The following SLC19A1 variants were observed in gnomAD, a reference collection of about 807,000 sequenced individuals.
SLC19A1 encodes the protein reduced folate transporter.
Under a neutral mutation model 35.3 loss-of-function variants are expected in SLC19A1, and 37 were observed. That is an observed-to-expected ratio of 1.05 (90% confidence interval 0.81 to 1.38). SLC19A1 has a LOEUF of 1.38. SLC19A1 is among the 40% of genes most tolerant of loss of function. The probability of loss-of-function intolerance (pLI) is 0.00; values close to 1 mark genes in which losing one functional copy is unlikely to be tolerated. For missense variants in SLC19A1, 831 were observed against 826.9 expected (o/e 1.00, Z -0.06); for synonymous variants, 460 against 398.5 (o/e 1.15, Z -1.84).
downstream of SLC19A1, chr21:45,512,215 G>T: frequency 1.2e-6 from 2 of 1,612,120 alleles, no homozygotes; most frequent in Non-Finnish European, 8.5e-7. Flanking sequence ...GGCATGGCTC[G>T]GACCCCAACG....
Position 45,514,206 on chromosome 21 carries a change from C to A in SLC19A1, c.*1452G>T, listed in dbSNP as rs1207930211. On this transcript the variant is annotated 3_prime_UTR_variant, in exon 6 of 6. Transcript: ENST00000311124. ...CCCATGGCACAGGCCCAGCCCACCT[C>A]CACCCATCACATCCTGCTAGATCTA... 6.6e-6 allele frequency: 1 copy of A among 152,292 alleles called. No individual in the cohort carries two copies. Among genetic ancestry groups the A allele is most frequent in the East Asian group, 1.9e-4 (1 of 5,184 alleles). 9.4% of individuals were successfully genotyped at this position (152,292 alleles called of 1,614,324 possible).
chr21:45,555,033 G>A (rs1348724412), intron 1 of SLC19A1, among the ~76,000 whole-genome samples: 1 of 150,540 alleles, frequency 6.6e-6, no homozygotes, highest in Non-Finnish European at 1.5e-5. Context: ...CCCTGTGCGC[G>A]CGCCTGGAGG....
In SLC19A1 at chr21:45,514,399, A is replaced by C. The variant is rs1328694495; in HGVS notation, c.*1259T>G. On this transcript the variant is annotated 3_prime_UTR_variant, in exon 6 of 6. Transcript: ENST00000311124. ...CTCTGCCTCAACCCAGGGTACCCCA[A>C]GATGCCTGCTCCCCTGAGCCACCTC... The C allele has an allele frequency of 2.0e-5, 3 of 152,462 alleles. No individual in the cohort carries two copies. The highest frequency in any genetic ancestry group is 4.4e-5 in the Non-Finnish European group (3 of 68,220). 9.4% of individuals were successfully genotyped at this position (152,462 alleles called of 1,614,324 possible).
At chr21:45,541,059 C>A (rs2078289356) in intron 1 of SLC19A1, among the ~76,000 whole-genome samples, 1 of 152,148 alleles carries the variant, frequency 6.6e-6, no homozygotes, top group Non-Finnish European at 1.5e-5. Context: ...ACCCTCCCAC[C>A]CCTGTTCAGA....
intron 1 of SLC19A1, among the ~76,000 whole-genome samples, chr21:45,552,314 G>T (rs1459406202): frequency 6.6e-6 from 1 of 152,182 alleles, no homozygotes; most frequent in African/African-American, 2.4e-5. Context: ...CAGGGGTCAG[G>T]CTGGTCCAGC....
chr21:45,512,196 A>G (rs762613037), downstream of SLC19A1: 15 of 1,612,180 alleles, frequency 9.3e-6, no homozygotes, highest in South Asian at 1.2e-4. Flanking sequence ...AGGCCCCAGA[A>G]GAGCGTGTGG....
At chr21:45,505,940 G>C (rs546772009) in intron 3 of SLC19A1, 1 of 1,613,132 alleles carries the variant, frequency 6.2e-7, no homozygotes, top group African/African-American at 1.3e-5. Flanking sequence ...CTACGTCCGC[G>C]TGCAGAACGG....
At position 45,540,739 on chromosome 21, in the gene SLC19A1, C is replaced by T. The variant is rs1169106654; in HGVS notation, c.-50+1629G>A. ...GTCCCATACAGCTTGAGGCCTCTTC[C>T]CGGCATCTGAAGGAAGTCCCCGACC... On this transcript the variant is annotated intron_variant, in intron 1 of 5. Coordinates refer to ENST00000311124, the MANE Select transcript of SLC19A1 (RefSeq NM_194255.4). The surrounding 1 kb of genome is among the most constrained non-coding windows in gnomAD (Gnocchi z 5.5). Among the ~76,000 whole-genome samples the T allele has an allele frequency of 6.6e-6, 1 of 152,152 alleles. No individual in the cohort carries two copies. Among genetic ancestry groups the T allele is most frequent in the African/African-American group, 2.4e-5 (1 of 41,430 alleles).
At chr21:45,555,921 CG>C (rs1000495869) in intron 1 of SLC19A1, among the ~76,000 whole-genome samples, 13 of 152,164 alleles carry the variant, frequency 8.5e-5, no homozygotes, top group Non-Finnish European at 1.9e-4. Context: ...GCTCTACACC[CG>C]GGAGATGGCC....
In SLC19A1 at chr21:45,517,365, C is replaced by T. The variant is rs9647238; in HGVS notation, c.1294-1225G>A. Among the ~76,000 whole-genome samples, 18,922 of 152,036 alleles carry T rather than the reference C, an allele frequency of 0.12. 1,216 individuals are homozygous for T. Among genetic ancestry groups the T allele is most frequent in the Admixed American group, 0.16 (2,491 of 15,274 alleles). On this transcript the variant is annotated intron_variant, in intron 5 of 5. Coordinates refer to ENST00000311124, the MANE Select transcript of SLC19A1 (RefSeq NM_194255.4). This position sits in a 1 kb window ranked among gnomAD's most constrained non-coding sequence, Gnocchi z 4.4. ...ACCCACCATGTCAGCAAGGACCCCC[C>T]ACCCTCGCCAGCCTGTAACAAGGAC...
At chr21:45,503,988 C>G in intron 3 of SLC19A1, 1 of 1,613,366 alleles carries the variant, frequency 6.2e-7, no homozygotes, top group Non-Finnish European at 8.5e-7. Flanking sequence ...CTCAGCGAGA[C>G]CCCGCCTGTC....
downstream of SLC19A1, chr21:45,512,120 C>T (rs550817116): frequency 1.6e-5 from 24 of 1,530,560 alleles, no homozygotes; most frequent in Admixed American, 4.0e-4. Flanking sequence ...CCTTTCCTGC[C>T]CGGGGAGCGG....
chr21:45,523,093 C>A (rs2077485697), intron 5 of SLC19A1, among the ~76,000 whole-genome samples: 1 of 152,152 alleles, frequency 6.6e-6, no homozygotes, highest in South Asian at 2.1e-4. Context: ...CTAGCCCTGT[C>A]TGTCCCCCCA....
At chr21:45,520,610 A>G (rs7278332) in intron 5 of SLC19A1, among the ~76,000 whole-genome samples, 67,747 of 152,076 alleles carry the variant, frequency 0.45, 15,347 homozygotes, top group East Asian at 0.53. Context: ...TCATATGTTG[A>G]AGCCCTAACC....
rs1464894781 is a variant in SLC19A1, at chr21:45,531,388, C to T, written c.949+1G>A. The T allele has an allele frequency of 4.4e-6, 7 of 1,573,510 alleles. No homozygotes were observed. The highest frequency in any genetic ancestry group is 6.0e-6 in the Non-Finnish European group (7 of 1,158,246). The stretch of plus-strand genomic sequence containing the variant: ...AGCCTCGGGGACCAGGGCATGCGTA[C>T]CCAGCAGCGTGGAGGCAGCATCTGC... On this transcript the variant is annotated splice_donor_variant, in intron 3 of 5. Transcript: ENST00000311124. LOFTEE classifies it high-confidence loss of function.
At position 45,537,806 on chromosome 21, in the gene SLC19A1, G is replaced by C. The variant is rs753731600; in HGVS notation, c.154C>G (p.Leu52Val). 1 of 1,579,926 alleles carries C rather than the reference G, an allele frequency of 6.3e-7. No individual in the cohort carries two copies. Among genetic ancestry groups the C allele is most frequent in the Non-Finnish European group, 8.6e-7 (1 of 1,161,972 alleles). Reference sequence around the variant, plus strand: ...GTGAAGTTCTTGTCGGGCCCCAGGAGGTAGGGGGTGATGAAGCTCTCCCCT... The same window carrying C: ...GTGAAGTTCTTGTCGGGCCCCAGGACGTAGGGGGTGATGAAGCTCTCCCCT... ...RPGESFITPY[L>V]LGPDKNFTRE... The change falls in exon 2 of 6, where the codon CTC becomes GTC. Residue 52 changes from leucine to valine, a missense_variant. By Grantham distance (32) the Leu-to-Val change is conservative (BLOSUM62 1). Transcript: ENST00000311124.
In SLC19A1 at chr21:45,528,183, G is replaced by A. The variant is rs115583784; in HGVS notation, c.1152-2225C>T. Among the ~76,000 whole-genome samples, 198 of 152,108 alleles carry A rather than the reference G, an allele frequency of 1.3e-3. 1 individual carries two copies. The highest frequency in any genetic ancestry group is 4.2e-3 in the African/African-American group (173 of 41,500). On this transcript the variant is annotated intron_variant, in intron 4 of 5. Transcript: ENST00000311124. ...CAGGTCAGTGGGATGAAGGGCAGAC[G>A]AACAACAGGGAGAACTGAGCACAAA...
chr21:45,505,347 C>T, intron 3 of SLC19A1: 1 of 1,595,950 alleles, frequency 6.3e-7, no homozygotes, highest in South Asian at 1.1e-5. Context: ...ACCTTGGTTT[C>T]TCTCCTGCAG....
chr21:45,503,938 C>G, intron 3 of SLC19A1: 7 of 1,559,660 alleles, frequency 4.5e-6, no homozygotes, highest in Non-Finnish European at 6.2e-6. Flanking sequence ...CCCACCAGTG[C>G]TGGGGGCTGC....
Sources: allele counts gnomAD v4.1 joint callset (sites outside exome capture counted in the v4.1 genomes callset), GRCh38; gene constraint gnomAD v4.1.1; non-coding constraint Gnocchi (gnomAD v3.1); transcripts MANE v1.5; gene names NCBI Gene and HGNC (gene_info 2026-07-23, HGNC 2026-07-21).